Variants in IFT140 observed in about 807,000 individuals in gnomAD.
IFT140 encodes intraflagellar transport 140.
IFT140 carries 133 observed loss-of-function variants against 164.6 expected under a neutral mutation model. The observed-to-expected ratio is 0.81, with a 90% CI of 0.70 to 0.93. The LOEUF is 0.93. Among genes scored for constraint, IFT140 ranks in the 40% least tolerant of loss-of-function variants. IFT140 has a pLI of 0.00. For synonymous variants in IFT140, 860 were observed against 817.3 expected, an observed-to-expected ratio of 1.05 and a Z score of -0.89; for missense variants, 2,045 against 1,972.3, an observed-to-expected ratio of 1.04 and a Z score of -0.70.
chr16:1,569,003 GT>G (rs58205807), intron 14 of IFT140, among the ~76,000 whole-genome samples: 6,968 of 126,214 alleles, frequency 0.055, 127 homozygotes, highest in Admixed American at 0.13. Context: ...GTGGTAGCTT[GT>G]TTTTTTTTTT....
In IFT140 at chr16:1,521,538, G is replaced by A. The variant is rs1047413322; in HGVS notation, c.3454-730C>T. ...CAAGTAGCTGGGATTACAGGCGCCC[G>A]CCACCATGCCCGGCTAATTTTGTAA... On this transcript the variant is annotated intron_variant, in intron 26 of 30. Transcript: ENST00000426508. Among the ~76,000 whole-genome samples the A allele has an allele frequency of 3.3e-5, 5 of 151,950 alleles. No homozygotes were observed. In the South Asian group the frequency reaches 6.3e-4, roughly 19 times the overall value.
chr16:1,565,740 T>A (rs756563245), intron 16 of IFT140, among the ~76,000 whole-genome samples: 1 of 152,234 alleles, frequency 6.6e-6, no homozygotes, highest in African/African-American at 2.4e-5. Context: ...GTTCTCCAAA[T>A]GCCCATTCAG....
At chr16:1,565,837 T>C (rs1411007184) in intron 16 of IFT140, among the ~76,000 whole-genome samples, 1 of 152,222 alleles carries the variant, frequency 6.6e-6, no homozygotes, top group Non-Finnish European at 1.5e-5. Context: ...CCCCCCTACA[T>C]GAGAGACGCG....
At chr16:1,589,901 A>T (rs907415325) in intron 6 of IFT140, 121 bp from the exon 7 acceptor site, 1 of 925,722 alleles carries the variant, frequency 1.1e-6, no homozygotes, top group East Asian at 2.7e-5. Flanking sequence ...CTTCAGTATA[A>T]GAACTTAAAA....
At chr16:1,550,412 A>G (rs2032539012) in intron 19 of IFT140, among the ~76,000 whole-genome samples, 1 of 152,274 alleles carries the variant, frequency 6.6e-6, no homozygotes, top group South Asian at 2.1e-4. Context: ...AAGCTATGAC[A>G]CTGATCTTAA....
chr16:1,583,258 G>T, intron 12 of IFT140, 56 bp downstream of exon 12: 1 of 1,460,406 alleles, frequency 6.8e-7, no homozygotes, highest in Non-Finnish European at 9.6e-7. Flanking sequence ...TCATTAGGCA[G>T]GGAGGAAATA....
intron 19 of IFT140, among the ~76,000 whole-genome samples, chr16:1,528,009 C>T (rs116897177): frequency 6.6e-6 from 1 of 152,208 alleles, no homozygotes; most frequent in African/African-American, 2.4e-5. Flanking sequence ...AGGGACATGA[C>T]GCTGCATGAG....
intron 18 of IFT140, among the ~76,000 whole-genome samples, chr16:1,561,096 CCT>C (rs2033383081): frequency 6.6e-6 from 1 of 152,212 alleles, no homozygotes; most frequent in Non-Finnish European, 1.5e-5. Flanking sequence ...CAGCCAGGCT[CCT>C]CTCTGAAAAA....
chr16:1,591,662 G>A (rs139493923), intron 6 of IFT140, among the ~76,000 whole-genome samples: 22 of 152,180 alleles, frequency 1.4e-4, no homozygotes, highest in African/African-American at 2.9e-4. Context: ...TGTCCCCCTC[G>A]TACAGTGAGG....
chr16:1,524,454 CG>C (rs2040613648), intron 24 of IFT140, 97 bp downstream of exon 24: 2 of 1,488,092 alleles, frequency 1.3e-6, no homozygotes. Context: ...GGCCGGACCA[CG>C]TGTCACTGAC....
At chr16:1,572,164 C>G (rs1030715691) in intron 13 of IFT140, among the ~76,000 whole-genome samples, 1 of 152,180 alleles carries the variant, frequency 6.6e-6, no homozygotes, top group Non-Finnish European at 1.5e-5. Context: ...AAGAAGTCAG[C>G]CAGGTGGGCA....
intron 21 of IFT140, 117 bp downstream of exon 21, chr16:1,525,770 G>T: frequency 1.8e-6 from 2 of 1,093,330 alleles, no homozygotes; most frequent in Non-Finnish European, 2.5e-6. Flanking sequence ...CCACCACCCT[G>T]AGACAGACGC....
intron 26 of IFT140, among the ~76,000 whole-genome samples, chr16:1,521,453 A>G (rs553929302): frequency 7.2e-5 from 11 of 152,122 alleles, no homozygotes; most frequent in South Asian, 6.2e-4. Flanking sequence ...CAGTGGCACA[A>G]TCTTGGCTCA....
At chr16:1,585,201 C>T (rs554003486) in intron 10 of IFT140, among the ~76,000 whole-genome samples, 2 of 152,316 alleles carry the variant, frequency 1.3e-5, no homozygotes, top group East Asian at 3.9e-4. Context: ...AGAAAGAAAA[C>T]GTGGTCTGTT....
chr16:1,582,399 G>A (rs748742106), intron 12 of IFT140, among the ~76,000 whole-genome samples: 1 of 152,216 alleles, frequency 6.6e-6, no homozygotes, highest in South Asian at 2.1e-4. Context: ...AAGCTGAAAC[G>A]GGTTCTCCCC....
intron 19 of IFT140, among the ~76,000 whole-genome samples, chr16:1,528,361 GCACACACACGCATGCACGCACGTGTGCA>G (rs1567333740): frequency 2.0e-5 from 3 of 148,796 alleles, no homozygotes; most frequent in East Asian, 4.0e-4. Flanking sequence ...ACGCACGTGT[GCACACACACGCATGCACGCACGTGTGCA>G]CACACACGGA....
At chr16:1,540,993 CTG>C in intron 19 of IFT140, 1 of 985,234 alleles carries the variant, frequency 1.0e-6, no homozygotes, top group Non-Finnish European at 1.2e-6. Flanking sequence ...ATTTGGGCCC[CTG>C]TGTAAGGTTT....
At chr16:1,572,958 G>A (rs2034099063) in intron 13 of IFT140, among the ~76,000 whole-genome samples, 1 of 152,190 alleles carries the variant, frequency 6.6e-6, no homozygotes, top group African/African-American at 2.4e-5. Flanking sequence ...CAGATCTAGT[G>A]CATGGGAGCT....
At chr16:1,550,256 TAGAAAC>T (rs2032524004) in intron 19 of IFT140, among the ~76,000 whole-genome samples, 1 of 152,194 alleles carries the variant, frequency 6.6e-6, no homozygotes, top group Admixed American at 6.5e-5. Context: ...CTTCTATATT[TAGAAAC>T]AGTGTTCTTG....
Sources: gnomAD v4.1 joint callset for allele counts (sites outside exome capture counted in the v4.1 genomes callset) on GRCh38, gnomAD v4.1.1 for gene constraint, MANE v1.5 for transcripts, NCBI Gene and HGNC (gene_info 2026-07-23, HGNC 2026-07-21) for gene names.